Variants in FER1L6 observed in about 807,000 individuals in gnomAD.
FER1L6 encodes the protein fer-1-like protein 6.
FER1L6 carries 177 observed loss-of-function variants against 219.2 expected under a neutral mutation model. The ratio of observed to expected loss-of-function variants is 0.81; its 90% CI spans 0.71 to 0.91. The LOEUF is 0.91. FER1L6 is among the 40% of genes least tolerant of loss of function. FER1L6 has a pLI of 0.00. For synonymous variants in FER1L6, 768 were observed against 824.3 expected (o/e 0.93, Z 1.17); for missense variants, 2,153 against 2,259.9 (o/e 0.95, Z 0.96).
At chr8:123,991,877 A>T (rs1016783453) in intron 12 of FER1L6, among the ~76,000 whole-genome samples, 4 of 151,918 alleles carry the variant, frequency 2.6e-5, no homozygotes, top group African/African-American at 9.7e-5. Flanking sequence ...TGTCCCTTCC[A>T]TGCCTACTTT....
At position 123,977,597 on chromosome 8, in the gene FER1L6, G is replaced by A. The variant is rs772801715; in HGVS notation, c.1051G>A (p.Asp351Asn). ...CCTGAAGAAAATCTCCAACGAACAG[G>A]ATGGAGACAAAGGTAAAGTCCCATC... ...IDLKKISNEQ[D>N]GDKGFLPTFG... Residue 351 changes from aspartate to asparagine, a missense_variant, in exon 10 of 41, where the codon GAT becomes AAT. Asp to Asn is a conservative substitution (Grantham distance 23). Coordinates refer to ENST00000522917, the MANE Select transcript of FER1L6 (RefSeq NM_001039112.2). 6 of 1,614,012 alleles carry A rather than the reference G, an allele frequency of 3.7e-6. No homozygotes were observed. The Admixed American group carries it at 1.0e-4, about 27-fold the overall frequency.
In FER1L6 at chr8:123,930,130, A is replaced by G. The variant is rs181709281; in HGVS notation, c.-7-25862A>G. On this transcript the variant is annotated intron_variant, in intron 1 of 40. Coordinates refer to ENST00000522917, the MANE Select transcript of FER1L6 (RefSeq NM_001039112.2). ...AAAATATCACAGCTAGGATATTGAC[A>G]TTGACAGAATCCACTGATCTTATTC... Among the ~76,000 whole-genome samples, 39 of 152,332 alleles carry G rather than the reference A, an allele frequency of 2.6e-4. No individual in the cohort carries two copies. The East Asian group carries it at 6.8e-3, about 26-fold the overall frequency.
intron 33 of FER1L6, among the ~76,000 whole-genome samples, chr8:124,084,268 T>C (rs931102212): frequency 6.6e-6 from 1 of 152,124 alleles, no homozygotes; most frequent in Admixed American, 6.5e-5. Context: ...CTTATCTGAT[T>C]GCTCTAGCTA....
chr8:123,933,722 C>T (rs1813873586), intron 1 of FER1L6, among the ~76,000 whole-genome samples: 1 of 152,234 alleles, frequency 6.6e-6, no homozygotes, highest in Admixed American at 6.5e-5. Context: ...GTAACTATCA[C>T]TCAGATCTAG....
At chr8:124,031,272 C>T (rs1366650074) in intron 18 of FER1L6, among the ~76,000 whole-genome samples, 1 of 152,108 alleles carries the variant, frequency 6.6e-6, no homozygotes, top group African/African-American at 2.4e-5. Context: ...TAAATATACA[C>T]ATTAATATAT....
At chr8:123,865,297 G>T (rs1179304480) in intron 1 of FER1L6, among the ~76,000 whole-genome samples, 2 of 143,906 alleles carry the variant, frequency 1.4e-5, no homozygotes, top group East Asian at 2.0e-4. Context: ...CTGCTCAGGG[G>T]TCAGGGGTCA....
chr8:124,112,298 A>G (rs2131027450), intron 39 of FER1L6, among the ~76,000 whole-genome samples: 1 of 152,278 alleles, frequency 6.6e-6, no homozygotes, highest in African/African-American at 2.4e-5. Flanking sequence ...AAAGCTGCTT[A>G]TCAGTGTCCC....
chr8:123,884,566 T>G (rs1817166072), intron 1 of FER1L6, among the ~76,000 whole-genome samples: 2 of 152,240 alleles, frequency 1.3e-5, no homozygotes, highest in Non-Finnish European at 2.9e-5. Flanking sequence ...TCAGCTTTTC[T>G]GGGCCAGAGG....
intron 1 of FER1L6, among the ~76,000 whole-genome samples, chr8:123,888,409 G>A (rs1454292591): frequency 2.6e-5 from 4 of 152,236 alleles, no homozygotes; most frequent in Non-Finnish European, 5.9e-5. Context: ...GAGCCACCAT[G>A]CCCGGCCTGA....
At chr8:124,031,761 G>A (rs930273890) in intron 18 of FER1L6, among the ~76,000 whole-genome samples, 4 of 152,054 alleles carry the variant, frequency 2.6e-5, no homozygotes, top group African/African-American at 9.7e-5. Context: ...TTCATTTGGG[G>A]GTATTGTTTT....
At chr8:123,906,965 C>A (rs762653693) in intron 1 of FER1L6, among the ~76,000 whole-genome samples, 2 of 152,138 alleles carry the variant, frequency 1.3e-5, no homozygotes, top group Non-Finnish European at 2.9e-5. Flanking sequence ...CAGGGCCTGG[C>A]AAACTTTTCT....
At chr8:124,019,950 G>A (rs768936146) in intron 16 of FER1L6, among the ~76,000 whole-genome samples, 17 of 152,196 alleles carry the variant, frequency 1.1e-4, no homozygotes, top group Admixed American at 5.9e-4. Flanking sequence ...ATTTGAGCAA[G>A]AGGAAACACC....
At chr8:123,905,834 AT>A (rs1812943273) in intron 1 of FER1L6, among the ~76,000 whole-genome samples, 1 of 152,148 alleles carries the variant, frequency 6.6e-6, no homozygotes, top group Non-Finnish European at 1.5e-5. Context: ...GCTTAAAATT[AT>A]TTTTTCTAAG....
intron 1 of FER1L6, among the ~76,000 whole-genome samples, chr8:123,919,704 T>G (rs960183319): frequency 2.6e-5 from 4 of 152,246 alleles, no homozygotes; most frequent in Admixed American, 2.0e-4. Context: ...TCTCATGATC[T>G]GTCATGGTGC....
chr8:123,867,616 A>G (rs1440498024), intron 1 of FER1L6, among the ~76,000 whole-genome samples: 4 of 152,138 alleles, frequency 2.6e-5, no homozygotes, highest in African/African-American at 7.2e-5. Flanking sequence ...CCTACCTTCT[A>G]TGGTTGTTTT....
In FER1L6 at chr8:123,866,608, A is replaced by G. The variant is rs546529912; in HGVS notation, c.-8+14423A>G. The stretch of plus-strand genomic sequence containing the variant: ...TCTGTGCTAATTTATATTCTCACCA[A>G]CAGCACAGCAAGGTTTCCTTGTCTC... On this transcript the variant is annotated intron_variant, in intron 1 of 40. Transcript: ENST00000522917. 2.4e-4 allele frequency among the ~76,000 whole-genome samples: 37 copies of G among 152,260 alleles called. 1 individual carries two copies. In the South Asian group the frequency reaches 7.1e-3, roughly 29 times the overall value.
At chr8:123,898,942 T>C (rs965846956) in intron 1 of FER1L6, among the ~76,000 whole-genome samples, 4 of 151,516 alleles carry the variant, frequency 2.6e-5, no homozygotes, top group Non-Finnish European at 5.9e-5. Context: ...ATTTTGCAAT[T>C]GTGAATTGTG....
At position 123,895,281 on chromosome 8, in the gene FER1L6, G is replaced by A. The variant is rs115471379; in HGVS notation, c.-8+43096G>A. ...GATGAGGAACCATTGCTAACTGAAGGAGACTTGAGAGATGTGACAACAAAA... is the reference window on the plus strand; with the variant it reads ...GATGAGGAACCATTGCTAACTGAAGAAGACTTGAGAGATGTGACAACAAAA... On this transcript the variant is annotated intron_variant, in intron 1 of 40. Transcript: ENST00000522917. Among the ~76,000 whole-genome samples, 215 of 152,318 alleles carry A rather than the reference G, an allele frequency of 1.4e-3. 1 individual carries two copies. Among genetic ancestry groups the A allele is most frequent in the African/African-American group, 5.1e-3 (214 of 41,580 alleles).
At chr8:123,907,358 T>C (rs1168564953) in intron 1 of FER1L6, among the ~76,000 whole-genome samples, 2 of 152,128 alleles carry the variant, frequency 1.3e-5, no homozygotes, top group Admixed American at 6.5e-5. Flanking sequence ...CACACGGTCA[T>C]AGCTGCTGCT....
Sources: allele counts gnomAD v4.1 joint callset (sites outside exome capture counted in the v4.1 genomes callset), GRCh38; gene constraint gnomAD v4.1.1; transcripts MANE v1.5; gene names NCBI Gene and HGNC (gene_info 2026-07-23, HGNC 2026-07-21).